Variants in ADGRG5 observed in about 807,000 individuals in gnomAD.
ADGRG5 encodes G protein-coupled receptor 114.
ADGRG5 carries 37 observed loss-of-function variants against 53.2 expected under a neutral mutation model. The ratio of observed to expected loss-of-function variants is 0.70; its 90% CI spans 0.53 to 0.91. The LOEUF (loss-of-function observed/expected upper bound fraction) is 0.91. Ranked by LOEUF, ADGRG5 falls within the 40% of genes least tolerant of loss-of-function variation. The probability of loss-of-function intolerance (pLI) is 0.00; values close to 1 mark genes in which losing one functional copy is unlikely to be tolerated. For synonymous variants in ADGRG5, 277 were observed against 290.4 expected, an observed-to-expected ratio of 0.95 and a Z score of 0.47; for missense variants, 614 against 675.8, an observed-to-expected ratio of 0.91 and a Z score of 1.01.
At chr16:57,564,336 G>A (rs1485604333) in intron 5 of ADGRG5, among the ~76,000 whole-genome samples, 7 of 146,900 alleles carry the variant, frequency 4.8e-5, no homozygotes, top group Admixed American at 4.7e-4. Context: ...TTTTGGCAGA[G>A]TCTCGCTCTG....
intron 1 of ADGRG5, among the ~76,000 whole-genome samples, chr16:57,554,749 G>A (rs1411141597): frequency 1.3e-5 from 2 of 152,050 alleles, no homozygotes; most frequent in African/African-American, 2.4e-5. Context: ...ATTTATTAAG[G>A]TGGAAGCATA....
In ADGRG5 at chr16:57,565,118, G is replaced by A. The variant is rs769722510; in HGVS notation, c.514G>A (p.Val172Met). ...HGHVNNLRDP[V>M]NISFWHNQSL... ...GCACGTGAACAACCTCAGGGATCCT[G>A]TGAACATCAGCTTCTGGCACAACCA... Residue 172 changes from valine (V) to methionine (M), a missense_variant, in exon 6 of 12, where the codon GTG becomes ATG. Val to Met is a conservative substitution (Grantham distance 21). Transcript: ENST00000349457. 3.7e-6 allele frequency: 6 copies of A among 1,613,550 alleles called. No individual in the cohort carries two copies. The highest frequency in any genetic ancestry group is 5.1e-6 in the Non-Finnish European group (6 of 1,179,618).
At chr16:57,560,775 T>A (rs1461271450) in intron 1 of ADGRG5, among the ~76,000 whole-genome samples, 2 of 152,120 alleles carry the variant, frequency 1.3e-5, no homozygotes, top group Non-Finnish European at 2.9e-5. Context: ...CAACAAACTC[T>A]GTTTTTATTT....
At chr16:57,552,028 C>CTA (rs199998031) in intron 1 of ADGRG5, among the ~76,000 whole-genome samples, 4,648 of 146,250 alleles carry the variant, frequency 0.032, 229 homozygotes, top group East Asian at 0.14. Context: ...TGAAATAAAT[C>CTA]TTTTTTTTTT....
At chr16:57,573,279 C>G (rs906892595) in intron 10 of ADGRG5, among the ~76,000 whole-genome samples, 2 of 151,594 alleles carry the variant, frequency 1.3e-5, no homozygotes, top group Non-Finnish European at 2.9e-5. Context: ...TAAAAATACA[C>G]AAAAATTAGC....
At chr16:57,538,166 G>T (rs1220237999), upstream of ADGRG5, among the ~76,000 whole-genome samples, 1 of 152,146 alleles carries the variant, frequency 6.6e-6, no homozygotes, top group African/African-American at 2.4e-5. Flanking sequence ...TCTTTTGCAG[G>T]GGCTAGGGTG....
intron 1 of ADGRG5, among the ~76,000 whole-genome samples, chr16:57,559,724 A>G (rs1280828472): frequency 2.0e-5 from 3 of 151,194 alleles, no homozygotes; most frequent in African/African-American, 7.3e-5. Flanking sequence ...GTGGCCTGTG[A>G]CCCCAGCTCT....
At chr16:57,550,504 T>G (rs576581960) in intron 1 of ADGRG5, among the ~76,000 whole-genome samples, 6 of 152,314 alleles carry the variant, frequency 3.9e-5, no homozygotes, top group African/African-American at 1.4e-4. Context: ...TTTGATGAAA[T>G]TCAACTTATC....
chr16:57,539,451 C>CG (rs1441701411), upstream of ADGRG5, among the ~76,000 whole-genome samples: 1 of 47,644 alleles, frequency 2.1e-5, no homozygotes, highest in Admixed American at 2.8e-4. Flanking sequence ...TTGCACTGTA[C>CG]CCCTTTTTTT....
intron 1 of ADGRG5, among the ~76,000 whole-genome samples, chr16:57,550,593 A>G: frequency 6.6e-6 from 1 of 152,134 alleles, no homozygotes; most frequent in East Asian, 1.9e-4. Flanking sequence ...CTAAGTCAGA[A>G]GGATTTTCTT....
At chr16:57,545,753 G>A (rs1478184844) in intron 1 of ADGRG5, among the ~76,000 whole-genome samples, 1 of 152,128 alleles carries the variant, frequency 6.6e-6, no homozygotes, top group Non-Finnish European at 1.5e-5. Context: ...TATTTGTGCT[G>A]GTTCTAGTTA....
rs544628356 is a variant in ADGRG5, at chr16:57,567,994, C to T, written c.960C>T (p.Ala320=). 6.8e-6 allele frequency: 11 copies of T among 1,614,080 alleles called. No homozygotes were observed. In the South Asian group the frequency reaches 1.2e-4, roughly 18 times the overall value. The change falls in exon 9 of 12, where the codon GCC becomes GCT. Residue 320 remains alanine (A), a synonymous_variant. Coordinates refer to ENST00000349457, the MANE Select transcript of ADGRG5 (RefSeq NM_001304376.3). The part of the protein sequence containing the change: ...PGSACTALAA[A]LHYALLSCLT... The stretch of plus-strand genomic sequence containing the variant: ...CAGCATGCACGGCTCTGGCCGCTGC[C>T]CTGCACTACGCGCTGCTCAGCTGCC...
intron 1 of ADGRG5, 112 bp from the exon 2 acceptor site, chr16:57,561,944 G>C: frequency 1.8e-6 from 1 of 540,822 alleles, no homozygotes. Flanking sequence ...GTGAAATGCA[G>C]GAGTGGTGAG....
At chr16:57,569,616 C>T (rs537257211) in intron 9 of ADGRG5, among the ~76,000 whole-genome samples, 12 of 150,290 alleles carry the variant, frequency 8.0e-5, no homozygotes, top group East Asian at 2.0e-4. Flanking sequence ...CCTCTATCAT[C>T]GCCATCATCA....
chr16:57,539,454 C>CCTTT (rs35929048), upstream of ADGRG5, among the ~76,000 whole-genome samples: 2,800 of 141,498 alleles, frequency 0.02, 53 homozygotes, highest in Non-Finnish European at 0.025. Context: ...CACTGTACCC[C>CCTTT]TTTTTTTTTT....
chr16:57,549,582 CA>C (rs2146761401), intron 1 of ADGRG5, among the ~76,000 whole-genome samples: 1 of 152,282 alleles, frequency 6.6e-6, no homozygotes, highest in South Asian at 2.1e-4. Context: ...GGTATACATA[CA>C]ATAAAATTCA....
At chr16:57,531,044 G>A in the ADGRG5 span, among the ~76,000 whole-genome samples, 1 of 151,640 alleles carries the variant, frequency 6.6e-6, no homozygotes, top group South Asian at 2.1e-4. Context: ...CCTCGAATGC[G>A]GCTGTCATCG....
chr16:57,563,722 G>A (rs878896302), intron 4 of ADGRG5, 126 bp from the exon 5 acceptor site: 1 of 1,212,688 alleles, frequency 8.2e-7, no homozygotes, highest in East Asian at 2.3e-5. Context: ...GATGCAGCCT[G>A]GGGGGAGAAG....
chr16:57,550,825 C>T (rs1036026477), intron 1 of ADGRG5, among the ~76,000 whole-genome samples: 20 of 151,898 alleles, frequency 1.3e-4, no homozygotes, highest in African/African-American at 3.9e-4. Flanking sequence ...GTCAGGAGAT[C>T]GAGACCATCC....
Sources: allele counts gnomAD v4.1 joint callset (sites outside exome capture counted in the v4.1 genomes callset), GRCh38; gene constraint gnomAD v4.1.1; transcripts MANE v1.5; gene names NCBI Gene and HGNC (gene_info 2026-07-23, HGNC 2026-07-21).